UBR3: variants seen among roughly 807,000 people sequenced by gnomAD.
UBR3 encodes E3 ubiquitin-protein ligase UBR3.
Under a neutral mutation model 243.2 loss-of-function variants are expected in UBR3, and 85 were observed. The ratio of observed to expected loss-of-function variants is 0.35; its 90% CI spans 0.29 to 0.42. The LOEUF is 0.42. UBR3 is among the 10% of genes least tolerant of loss of function. The pLI, the probability that UBR3 is intolerant of heterozygous loss-of-function variation, is 1.00. For synonymous variants in UBR3, 748 were observed against 799.8 expected (o/e 0.94, Z 1.09); for missense variants, 1,686 against 2,300.8 (o/e 0.73, Z 5.47).
intron 1 of UBR3, among the ~76,000 whole-genome samples, chr2:169,845,614 C>T (rs546341884): frequency 6.1e-5 from 9 of 147,540 alleles, no homozygotes; most frequent in East Asian, 2.0e-4. Flanking sequence ...GATGGGGTCT[C>T]GCTCTGTCAC....
chr2:169,977,247 C>T (rs1192973281), intron 24 of UBR3, among the ~76,000 whole-genome samples: 1 of 151,834 alleles, frequency 6.6e-6, no homozygotes, highest in Admixed American at 6.6e-5. Flanking sequence ...GGGTCTGTTA[C>T]TAGAGAGATA....
At chr2:170,010,496 T>A (rs1354087854) in intron 29 of UBR3, among the ~76,000 whole-genome samples, 3 of 152,174 alleles carry the variant, frequency 2.0e-5, no homozygotes, top group Non-Finnish European at 2.9e-5. Context: ...ATCAAACAAT[T>A]TGATTTAAAT....
chr2:169,897,800 C>T (rs1042671752), intron 8 of UBR3, among the ~76,000 whole-genome samples: 2 of 152,116 alleles, frequency 1.3e-5, no homozygotes, highest in African/African-American at 4.8e-5. Flanking sequence ...CACGCTTGGC[C>T]AATAATATAT....
In UBR3 at chr2:170,061,322, A is replaced by C. The variant is rs1403778884; in HGVS notation, c.4898A>C (p.Asn1633Thr). The stretch of plus-strand genomic sequence containing the variant: ...AATTTTCTTTTTTAACTTTAGGTTA[A>C]CCCTATTGCTTGGTCTCCTGAATCC... Reference protein sequence around the residue: ...EEGTQECAMVNPIAWSPESME... With the variant: ...EEGTQECAMVTPIAWSPESME... Residue 1633 changes from asparagine (N) to threonine (T), a missense_variant, in exon 35 of 39, where the codon AAC becomes ACC. Asn to Thr is a moderately conservative substitution (Grantham distance 65, BLOSUM62 0). Around this residue, in one of 8 missense-constraint regions of UBR3, gnomAD observed 371 missense variants for 422.5 expected, o/e 0.88. Transcript: ENST00000272793. 1.9e-5 allele frequency: 30 copies of C among 1,613,454 alleles called. No homozygotes were observed. Among genetic ancestry groups the C allele is most frequent in the Non-Finnish European group, 2.5e-5 (30 of 1,179,880 alleles).
chr2:169,842,862 A>G (rs1364952724), intron 1 of UBR3, among the ~76,000 whole-genome samples: 1 of 152,264 alleles, frequency 6.6e-6, no homozygotes, highest in Non-Finnish European at 1.5e-5. Context: ...ACAGTAGGAC[A>G]TGGGTACAAT....
intron 13 of UBR3, among the ~76,000 whole-genome samples, 184 bp downstream of exon 13, chr2:169,924,357 G>C (rs1470759147): frequency 6.6e-6 from 1 of 151,982 alleles, no homozygotes; most frequent in Non-Finnish European, 1.5e-5. Flanking sequence ...TTACTTTTTA[G>C]TTTTACTTTT....
Position 169,856,035 on chromosome 2 carries a change from C to T in UBR3, c.546-16201C>T, listed in dbSNP as rs1311898083. 6.6e-5 allele frequency among the ~76,000 whole-genome samples: 10 copies of T among 151,650 alleles called. No individual in the cohort carries two copies. In the East Asian group the frequency reaches 9.8e-4, roughly 15 times the overall value. ...GCGGAGACGCTCCTCACCTGCCAGA[C>T]GGGGCGGCTGCTGGGCGGAGGGGCT... On this transcript the variant is annotated intron_variant, in intron 1 of 38. Transcript: ENST00000272793.
intron 11 of UBR3, among the ~76,000 whole-genome samples, chr2:169,914,863 TG>T (rs1224350233): frequency 7.4e-5 from 11 of 148,024 alleles, no homozygotes; most frequent in South Asian, 4.2e-4. Context: ...TGTGTGTGTG[TG>T]TGTGTGTGTT....
At chr2:169,869,154 C>T (rs1469713965) in intron 1 of UBR3, among the ~76,000 whole-genome samples, 1 of 141,436 alleles carries the variant, frequency 7.1e-6, no homozygotes, top group Non-Finnish European at 1.5e-5. Flanking sequence ...GCTTTACTCA[C>T]ATCACAGTCT....
intron 5 of UBR3, among the ~76,000 whole-genome samples, chr2:169,887,783 CT>C (rs373899418): frequency 7.4e-5 from 11 of 148,482 alleles, no homozygotes; most frequent in East Asian, 2.0e-4. Flanking sequence ...TTCTTTCTTT[CT>C]TTTTTTTTTG....
In UBR3 at chr2:170,070,012, A is replaced by C. The variant is rs183728483; in HGVS notation, c.5020-3416A>C. On this transcript the variant is annotated intron_variant, in intron 35 of 38. Coordinates refer to ENST00000272793, the MANE Select transcript of UBR3 (RefSeq NM_172070.4). ...TTTTATTGTTATTTTTTAAAAAAAT[A>C]TTTTTGATGTATGGCTGGTTGAGTA... 1.1e-3 allele frequency among the ~76,000 whole-genome samples: 167 copies of C among 152,218 alleles called. 2 individuals carry two copies. The Middle Eastern group carries it at 0.027, about 25-fold the overall frequency.
chr2:170,059,934 C>T (rs563936104), intron 33 of UBR3, among the ~76,000 whole-genome samples: 10 of 152,048 alleles, frequency 6.6e-5, no homozygotes, highest in South Asian at 6.2e-4. Flanking sequence ...CAGAGGGATA[C>T]GTGGGAAATA....
Position 170,031,561 on chromosome 2 carries a change from C to T in UBR3, c.4556+2113C>T, listed in dbSNP as rs544709409. On this transcript the variant is annotated intron_variant, in intron 31 of 38. Coordinates refer to ENST00000272793, the MANE Select transcript of UBR3 (RefSeq NM_172070.4). ...ACTTTTATTTTAGATTCAGAGGGTA[C>T]ATGTGCAGGTTTGTACATGATTATA... Among the ~76,000 whole-genome samples the T allele has an allele frequency of 8.7e-4, 132 of 152,128 alleles. 1 individual carries two copies. Among genetic ancestry groups the T allele is most frequent in the African/African-American group, 3.1e-3 (129 of 41,508 alleles).
chr2:170,031,633 T>C (rs1385385002), intron 31 of UBR3, among the ~76,000 whole-genome samples: 5 of 152,106 alleles, frequency 3.3e-5, no homozygotes. Context: ...ATCATCCAGG[T>C]GTAGTGAGCA....
chr2:169,834,632 C>T (rs1335238569), intron 1 of UBR3, among the ~76,000 whole-genome samples: 1 of 152,206 alleles, frequency 6.6e-6, no homozygotes, highest in Non-Finnish European at 1.5e-5. Context: ...CATCTGTTAT[C>T]TCCCTGTCCC....
chr2:169,881,602 A>AC (rs60120384), intron 5 of UBR3, among the ~76,000 whole-genome samples: 60,442 of 142,074 alleles, frequency 0.43, 14,415 homozygotes, highest in Non-Finnish European at 0.54. Flanking sequence ...AGAGGTATCT[A>AC]CCGTATGTTT....
intron 30 of UBR3, among the ~76,000 whole-genome samples, chr2:170,024,055 G>C (rs2090462225): frequency 6.6e-6 from 1 of 152,156 alleles, no homozygotes; most frequent in South Asian, 2.1e-4. Context: ...ATCAGTATGA[G>C]TATAGTAAGA....
intron 2 of UBR3, among the ~76,000 whole-genome samples, chr2:169,872,752 T>G (rs1234730275): frequency 6.6e-6 from 1 of 152,008 alleles, no homozygotes; most frequent in Non-Finnish European, 1.5e-5. Flanking sequence ...AGATAAAATG[T>G]TTTATCAACT....
At position 169,827,925 on chromosome 2, in the gene UBR3, C is replaced by T; in HGVS notation, c.418C>T (p.Pro140Ser). The T allele has an allele frequency of 6.7e-7, 1 of 1,501,800 alleles. No homozygotes were observed. The highest frequency in any genetic ancestry group is 8.9e-7 in the Non-Finnish European group (1 of 1,127,098). The allele number at this position is 1,501,800 out of a possible 1,614,324, so 93.0% of individuals were successfully genotyped here. A position where few individuals can be genotyped will look rare whatever the true frequency, so the allele number is the denominator to read the frequency against. ...AYRCRTCGISPCMSLCAECFH... is the reference protein window; with the variant it reads ...AYRCRTCGISSCMSLCAECFH... ...CCGCTGCCGGACGTGCGGCATCTCG[C>T]CCTGCATGTCGCTGTGCGCCGAGTG... Residue 140 changes from proline (P) to serine (S), a missense_variant, in exon 1 of 39, where the codon CCC becomes TCC. Around this residue, in one of 8 missense-constraint regions of UBR3, gnomAD observed 145 missense variants for 243.8 expected, o/e 0.59. Transcript: ENST00000272793.
Sources: allele counts gnomAD v4.1 joint callset (sites outside exome capture counted in the v4.1 genomes callset), GRCh38; gene constraint gnomAD v4.1.1; regional missense constraint gnomAD v4.1.1; transcripts MANE v1.5; gene names NCBI Gene and HGNC (gene_info 2026-07-23, HGNC 2026-07-21).